GYS2: variants seen among roughly 807,000 people sequenced by gnomAD.
GYS2 encodes glycogen synthase 2, also known as glycogen [starch] synthase, liver.
GYS2 carries 80 observed loss-of-function variants against 85.6 expected under a neutral mutation model. The observed-to-expected ratio is 0.93, with a 90% CI of 0.78 to 1.13. The LOEUF is 1.13. Ranked by LOEUF, GYS2 falls within the 50% of genes most tolerant of loss-of-function variation. The pLI, the probability that GYS2 is intolerant of heterozygous loss-of-function variation, is 0.00. For synonymous variants in GYS2, 328 were observed against 300.7 expected (o/e 1.09, Z -0.94); for missense variants, 881 against 854.9 (o/e 1.03, Z -0.38).
intron 1 of GYS2, among the ~76,000 whole-genome samples, chr12:21,591,212 C>T (rs1436183484): frequency 6.6e-6 from 1 of 151,762 alleles, no homozygotes; most frequent in Non-Finnish European, 1.5e-5. Flanking sequence ...CAGTGAGACA[C>T]AAGAGAACTC....
At chr12:21,592,239 A>AC (rs1453632778) in intron 1 of GYS2, among the ~76,000 whole-genome samples, 1 of 152,048 alleles carries the variant, frequency 6.6e-6, no homozygotes, top group Non-Finnish European at 1.5e-5. Flanking sequence ...CTAAAAAAAA[A>AC]ACAAAACAAC....
intron 13 of GYS2, among the ~76,000 whole-genome samples, chr12:21,542,267 C>T (rs1298077327): frequency 6.6e-6 from 1 of 152,154 alleles, no homozygotes; most frequent in Non-Finnish European, 1.5e-5. Context: ...CCATGCTGGT[C>T]TCGAACCCCT....
chr12:21,552,201 C>T (rs1346518755), intron 11 of GYS2, among the ~76,000 whole-genome samples: 2 of 152,190 alleles, frequency 1.3e-5, no homozygotes, highest in African/African-American at 4.8e-5. Flanking sequence ...GAGACAAAGG[C>T]TTGTCTGACT....
chr12:21,574,325 A>G lies in GYS2; in HGVS notation c.497T>C (p.Val166Ala). Residue 166 changes from valine to alanine, a missense_variant and splice_region_variant, in exon 4 of 16, where the codon GTG becomes GCG. Val to Ala is a moderately conservative substitution (Grantham distance 64, BLOSUM62 0). Transcript: ENST00000261195. The stretch of plus-strand genomic sequence containing the variant: ...ATATTTACCATCTGCATGATCTGTC[A>G]CCTACATTAGGAAAAAAAAAGCATT... ...GSLTAWFLKEVTDHADGKYVV... is the reference protein window; with the variant it reads ...GSLTAWFLKEATDHADGKYVV... 6.2e-7 allele frequency: 1 copy of G among 1,612,030 alleles called. No homozygotes were observed. The highest frequency in any genetic ancestry group is 8.5e-7 in the Non-Finnish European group (1 of 1,178,162).
At chr12:21,545,856 T>G (rs1317907890) in intron 12 of GYS2, among the ~76,000 whole-genome samples, 1 of 152,240 alleles carries the variant, frequency 6.6e-6, no homozygotes, top group African/African-American at 2.4e-5. Context: ...CACCTTTTTA[T>G]ATTTATTTCC....
chr12:21,587,448 C>T (rs943079432), intron 1 of GYS2, among the ~76,000 whole-genome samples: 6 of 152,126 alleles, frequency 3.9e-5, no homozygotes, highest in East Asian at 1.9e-4. Flanking sequence ...TACTCTCATG[C>T]TCTTCTCGTG....
chr12:21,600,176 A>T (rs1453122689), intron 1 of GYS2, among the ~76,000 whole-genome samples: 1 of 152,040 alleles, frequency 6.6e-6, no homozygotes, highest in Non-Finnish European at 1.5e-5. Context: ...CTGGAGTGCA[A>T]TGGTGCAATC....
Position 21,568,992 on chromosome 12 carries a change from C to T in GYS2, c.696G>A (p.Glu232=), listed in dbSNP as rs764507219. 1.2e-6 allele frequency: 2 copies of T among 1,614,134 alleles called. No individual in the cohort carries two copies. Among genetic ancestry groups the T allele is most frequent in the South Asian group, 1.1e-5 (1 of 91,084 alleles). Residue 232 remains glutamate (E), a synonymous_variant, in exon 5 of 16, where the codon GAG becomes GAA. Transcript: ENST00000261195. The part of the protein sequence containing the change: ...NHLDKFNIDK[E]AGERQIYHRY... ...GGTGGTAAATCTGCCTTTCCCCAGC[C>T]TCTTTGTCAATGTTAAACTGTTAGA...
At chr12:21,565,076 TA>T (rs140073635) in intron 5 of GYS2, among the ~76,000 whole-genome samples, 3,600 of 151,798 alleles carry the variant, frequency 0.024, 154 homozygotes, top group African/African-American at 0.082. Context: ...CAAACAATTA[TA>T]AAAAAAAGAT....
chr12:21,562,133 A>T (rs1944260877), intron 7 of GYS2, among the ~76,000 whole-genome samples: 1 of 152,202 alleles, frequency 6.6e-6, no homozygotes, highest in East Asian at 1.9e-4. Context: ...GTTAGTTGAG[A>T]ACCCACTTTG....
At chr12:21,601,585 T>C (rs933308073) in intron 1 of GYS2, among the ~76,000 whole-genome samples, 14 of 152,056 alleles carry the variant, frequency 9.2e-5, no homozygotes, top group African/African-American at 3.1e-4. Context: ...AGCTCAAACA[T>C]CTCATCATTA....
intron 9 of GYS2, 147 bp downstream of exon 9, chr12:21,559,504 A>C: frequency 1.5e-6 from 1 of 651,576 alleles, no homozygotes; most frequent in Non-Finnish European, 2.7e-6. Flanking sequence ...TGAAGGGTAA[A>C]ATACTGTTCA....
At chr12:21,578,147 TG>T (rs1944467355) in intron 2 of GYS2, among the ~76,000 whole-genome samples, 1 of 152,232 alleles carries the variant, frequency 6.6e-6, no homozygotes, top group African/African-American at 2.4e-5. Context: ...TTTCTGTCAC[TG>T]TGTTTCTGCC....
chr12:21,581,460 C>G (rs373137870), intron 1 of GYS2, among the ~76,000 whole-genome samples: 1 of 152,112 alleles, frequency 6.6e-6, no homozygotes, highest in African/African-American at 2.4e-5. Flanking sequence ...GAGTTGTAAG[C>G]CCTTAAAAGG....
At chr12:21,575,062 C>A (rs1407892234) in intron 3 of GYS2, among the ~76,000 whole-genome samples, 1 of 151,800 alleles carries the variant, frequency 6.6e-6, no homozygotes, top group Non-Finnish European at 1.5e-5. Flanking sequence ...AGATAAAATG[C>A]CGTTACATCA....
At position 21,536,995 on chromosome 12, in the gene GYS2, G is replaced by T. The variant is rs1943917509; in HGVS notation, c.2071C>A (p.Pro691Thr). 8 of 1,613,650 alleles carry T rather than the reference G, an allele frequency of 5.0e-6. No individual in the cohort carries two copies. Among genetic ancestry groups the T allele is most frequent in the Non-Finnish European group, 5.9e-6 (7 of 1,179,810 alleles). Residue 691 changes from proline (P) to threonine (T), a missense_variant, in exon 16 of 16, where the codon CCT becomes ACT. By Grantham distance (38) the Pro-to-Thr change is conservative. Transcript: ENST00000261195. ...CCATGCAGCTTTTTCTTCCCATGAG[G>T]AACGTGGCTCAGTGAAAATGGTGAC... ...IKSPFSLSHVPHGKKKLHGEY... is the reference protein window; with the variant it reads ...IKSPFSLSHVTHGKKKLHGEY...
chr12:21,541,470 A>G (rs1943975774), intron 13 of GYS2, among the ~76,000 whole-genome samples: 1 of 151,946 alleles, frequency 6.6e-6, no homozygotes, highest in African/African-American at 2.4e-5. Context: ...AGTAATGATA[A>G]CAATAATAAT....
chr12:21,568,786 C>T (rs1245256823), intron 5 of GYS2, 79 bp downstream of exon 5: 67 of 1,290,524 alleles, frequency 5.2e-5, no homozygotes, highest in Non-Finnish European at 9.0e-6. Context: ...CAAACTACTA[C>T]TTCACGATGG....
rs867866715 is a variant in GYS2, at chr12:21,546,472, T to C, written c.1423-2A>G. On this transcript the variant is annotated splice_acceptor_variant, in intron 11 of 15. Coordinates refer to ENST00000261195, the MANE Select transcript of GYS2 (RefSeq NM_021957.4). LOFTEE classifies it high-confidence loss of function. ...TAGAAACTCTGGGTGCAAAATCACCTAAAAAAGGAAAATTCTAATTTAAAA... is the reference window on the plus strand; with the variant it reads ...TAGAAACTCTGGGTGCAAAATCACCCAAAAAAGGAAAATTCTAATTTAAAA... 1.3e-6 allele frequency: 2 copies of C among 1,584,916 alleles called. No individual in the cohort carries two copies. The highest frequency in any genetic ancestry group is 1.7e-6 in the Non-Finnish European group (2 of 1,159,228).
Sources: allele counts gnomAD v4.1 joint callset (sites outside exome capture counted in the v4.1 genomes callset), GRCh38; gene constraint gnomAD v4.1.1; transcripts MANE v1.5; gene names NCBI Gene and HGNC (gene_info 2026-07-23, HGNC 2026-07-21).